LRRC7: variants seen among roughly 807,000 people sequenced by gnomAD.
LRRC7 encodes leucine-rich repeat-containing protein 7.
Under a neutral mutation model 175.7 loss-of-function variants are expected in LRRC7, and 23 were observed. That is an observed-to-expected ratio of 0.13 (90% confidence interval 0.09 to 0.19). The LOEUF is 0.19. Among genes scored for constraint, LRRC7 ranks in the 10% least tolerant of loss-of-function variants. LRRC7 has a pLI of 1.00. For synonymous variants in LRRC7, 685 were observed against 680.9 expected (o/e 1.01, Z -0.09); for missense variants, 1,354 against 1,904.7 (o/e 0.71, Z 5.38).
intron 2 of LRRC7, among the ~76,000 whole-genome samples, chr1:69,687,240 G>C (rs1404618749): frequency 1.3e-5 from 2 of 152,064 alleles, no homozygotes. Context: ...CAGGCACGTT[G>C]GCTCACACCT....
chr1:69,983,091 A>G (rs1653598303), intron 9 of LRRC7, among the ~76,000 whole-genome samples: 1 of 152,236 alleles, frequency 6.6e-6, no homozygotes, highest in African/African-American at 2.4e-5. Context: ...TCATTGCTCA[A>G]TGGAAAAGAA....
chr1:69,945,229 A>G (rs1206391624), intron 8 of LRRC7, among the ~76,000 whole-genome samples: 4 of 152,014 alleles, frequency 2.6e-5, no homozygotes, highest in Admixed American at 2.0e-4. Context: ...AGCATATCCA[A>G]CTTTCCCAAA....
At chr1:69,905,439 G>T (rs1054966440) in intron 7 of LRRC7, among the ~76,000 whole-genome samples, 2 of 151,974 alleles carry the variant, frequency 1.3e-5, no homozygotes, top group Non-Finnish European at 2.9e-5. Context: ...CCCAGAGTGT[G>T]ATATTCCCCT....
rs1666961347 is a variant in LRRC7, at chr1:70,138,758, G to T, written c.*16871G>T. The T allele has an allele frequency of 6.6e-6, 1 of 152,192 alleles. No homozygotes were observed. Among genetic ancestry groups the T allele is most frequent in the African/African-American group, 2.4e-5 (1 of 41,450 alleles). The allele number at this position is 152,192 out of a possible 1,614,324, so 9.4% of individuals were successfully genotyped here. ...TCTGGTGGCCTTTCTGTGTGGAGGA[G>T]CTCGTTTGTCCAAGGTATGATCTAC... On this transcript the variant is annotated 3_prime_UTR_variant, in exon 27 of 27. Coordinates refer to ENST00000651989, the MANE Select transcript of LRRC7 (RefSeq NM_001370785.2).
intron 5 of LRRC7, 55 bp from the exon 6 acceptor site, chr1:69,834,725 G>C: frequency 3.1e-6 from 4 of 1,286,550 alleles, no homozygotes; most frequent in Non-Finnish European, 4.4e-6. Context: ...TATTTTTTTT[G>C]TTCTGTTTCT....
intron 5 of LRRC7, among the ~76,000 whole-genome samples, chr1:69,830,260 G>C (rs1289655333): frequency 6.6e-6 from 1 of 151,648 alleles, no homozygotes; most frequent in Non-Finnish European, 1.5e-5. Context: ...ACATCTATGG[G>C]GTGGATATGA....
intron 7 of LRRC7, among the ~76,000 whole-genome samples, chr1:69,879,314 A>G (rs1686363224): frequency 2.0e-5 from 3 of 151,932 alleles, no homozygotes; most frequent in African/African-American, 7.3e-5. Flanking sequence ...AGAACCCACT[A>G]AGTAGGAAAT....
intron 2 of LRRC7, among the ~76,000 whole-genome samples, chr1:69,751,941 T>G (rs1056041478): frequency 1.3e-5 from 2 of 152,148 alleles, no homozygotes; most frequent in Non-Finnish European, 2.9e-5. Context: ...GAACAGTCCA[T>G]TGATCTTGGT....
intron 26 of LRRC7, among the ~76,000 whole-genome samples, chr1:70,115,440 T>TTTTTGTTTTG (rs1553206874): frequency 1.1e-3 from 166 of 150,136 alleles, no homozygotes; most frequent in Middle Eastern, 3.4e-3. Context: ...TTTGCCAGGT[T>TTTTTGTTTTG]TTTTGTTTTG....
Position 69,758,012 on chromosome 1 carries a change from G to A in LRRC7, c.101-2179G>A, listed in dbSNP as rs538081091. On this transcript the variant is annotated intron_variant, in intron 2 of 26. Transcript: ENST00000651989. ...CAATCCATCACTTCTTTTCATCCTC[G>A]CTGCCACTACCATAGTCTATGCTAT... is the stretch of plus-strand genomic sequence containing the variant. 2.6e-4 allele frequency among the ~76,000 whole-genome samples: 39 copies of A among 151,652 alleles called. No individual in the cohort carries two copies. In the South Asian group the frequency reaches 7.5e-3, roughly 29 times the overall value.
chr1:69,785,647 C>T (rs1249749530), intron 3 of LRRC7, among the ~76,000 whole-genome samples: 2 of 152,042 alleles, frequency 1.3e-5, no homozygotes, highest in Non-Finnish European at 2.9e-5. Context: ...AGAAATCATA[C>T]ACTTTATTTC....
At chr1:69,735,748 G>A (rs958539866) in intron 2 of LRRC7, among the ~76,000 whole-genome samples, 8 of 151,906 alleles carry the variant, frequency 5.3e-5, no homozygotes, top group Admixed American at 3.9e-4. Flanking sequence ...CATGGTATTA[G>A]CATTCTTTCA....
chr1:70,102,992 G>T (rs560713332), intron 25 of LRRC7, among the ~76,000 whole-genome samples: 1 of 152,084 alleles, frequency 6.6e-6, no homozygotes, highest in Non-Finnish European at 1.5e-5. Context: ...ACTTTGGGAG[G>T]CCGAGGTGGG....
chr1:69,717,839 A>AGAGAGAG, intron 2 of LRRC7, among the ~76,000 whole-genome samples: 1 of 43,990 alleles, frequency 2.3e-5, no homozygotes, highest in South Asian at 8.6e-4. Context: ...AGAAAGAAAG[A>AGAGAGAG]AAAAAGAAAG....
At chr1:69,794,363 CT>C (rs1675468975) in intron 4 of LRRC7, among the ~76,000 whole-genome samples, 1 of 152,166 alleles carries the variant, frequency 6.6e-6, no homozygotes, top group Non-Finnish European at 1.5e-5. Flanking sequence ...TCTACACCAA[CT>C]TGACTTGCCA....
chr1:69,660,952 A>C (rs868545725), intron 1 of LRRC7, among the ~76,000 whole-genome samples: 10 of 152,052 alleles, frequency 6.6e-5, no homozygotes, highest in African/African-American at 2.2e-4. Flanking sequence ...TTAATGTGTT[A>C]TGTATTTAAT....
At chr1:69,814,194 G>A (rs902461403) in intron 4 of LRRC7, among the ~76,000 whole-genome samples, 4 of 151,904 alleles carry the variant, frequency 2.6e-5, no homozygotes, top group African/African-American at 9.7e-5. Flanking sequence ...AAGATATCGT[G>A]TTTTGAAAAT....
rs1344591005 is a variant in LRRC7 at position 70,036,233 on chromosome 1, G to A, written c.2107+1G>A. The A allele has an allele frequency of 6.2e-7, 1 of 1,608,030 alleles. No individual in the cohort carries two copies. Among genetic ancestry groups the A allele is most frequent in the Non-Finnish European group, 8.5e-7 (1 of 1,177,048 alleles). On this transcript the variant is annotated splice_donor_variant, in intron 19 of 26. Coordinates refer to ENST00000651989, the MANE Select transcript of LRRC7 (RefSeq NM_001370785.2). LOFTEE classifies it high-confidence loss of function. Reference sequence around the variant, plus strand: ...GTTCTGCTAGGGAAGGACAAAAAAGGTAACACTGTGAACCCAATGTGGAAA... The same window carrying A: ...GTTCTGCTAGGGAAGGACAAAAAAGATAACACTGTGAACCCAATGTGGAAA...
At chr1:69,919,382 C>T (rs1646812840) in intron 7 of LRRC7, 1 of 622,984 alleles carries the variant, frequency 1.6e-6, no homozygotes, top group Non-Finnish European at 2.8e-6. Context: ...AAACTGCCGC[C>T]TGGCTGGGAA....
Sources: allele counts gnomAD v4.1 joint callset (sites outside exome capture counted in the v4.1 genomes callset), GRCh38; gene constraint gnomAD v4.1.1; transcripts MANE v1.5; gene names NCBI Gene and HGNC (gene_info 2026-07-23, HGNC 2026-07-21).